ACTMAP: variants seen among roughly 807,000 people sequenced by gnomAD.
The protein encoded by ACTMAP is actin maturation protease.
the ACTMAP span, among the ~76,000 whole-genome samples, chr19:40,745,484 G>C: frequency 1.3e-5 from 2 of 152,158 alleles, no homozygotes; most frequent in Non-Finnish European, 2.9e-5. Context: ...AGGTTTATCT[G>C]AGGAAATTTC....
At chr19:40,743,508 C>G in the ACTMAP span, among the ~76,000 whole-genome samples, 1 of 152,194 alleles carries the variant, frequency 6.6e-6, no homozygotes. Flanking sequence ...GCTGGGATTA[C>G]AGGCGTGAGC....
the ACTMAP span, chr19:40,744,672 A>G: frequency 6.2e-7 from 1 of 1,610,316 alleles, no homozygotes; most frequent in Non-Finnish European, 8.5e-7. Flanking sequence ...CCACAAGGCC[A>G]CCAGCCCGCA....
chr19:40,742,682 C>A, the ACTMAP span: 22 of 1,613,056 alleles, frequency 1.4e-5, no homozygotes, highest in Non-Finnish European at 1.8e-5. Flanking sequence ...GTTGGCAGGG[C>A]GTGCCCAGCA....
chr19:40,742,706 G>A, the ACTMAP span: 1 of 1,612,750 alleles, frequency 6.2e-7, no homozygotes, highest in Non-Finnish European at 8.5e-7. Flanking sequence ...GGTGGAACAG[G>A]CCCGGCAGCT....
chr19:40,749,372 T>C, the ACTMAP span: 1 of 1,122,920 alleles, frequency 8.9e-7, no homozygotes, highest in South Asian at 1.5e-5. Flanking sequence ...GGGACCTAAG[T>C]AGTCAGCCTG....
At chr19:40,743,956 G>A in the ACTMAP span, 1 of 1,614,038 alleles carries the variant, frequency 6.2e-7, no homozygotes, top group Non-Finnish European at 8.5e-7. Context: ...CACGGCTCAT[G>A]GTTGAAGTCC....
At chr19:40,748,346 T>A in the ACTMAP span, among the ~76,000 whole-genome samples, 5 of 151,446 alleles carry the variant, frequency 3.3e-5, no homozygotes, top group Admixed American at 2.6e-4. Flanking sequence ...GCCAGTTCAC[T>A]CCAGCCTGGA....
chr19:40,744,025 C>T, the ACTMAP span: 2 of 1,614,042 alleles, frequency 1.2e-6, no homozygotes, highest in Non-Finnish European at 1.7e-6. Context: ...GGGACCCACC[C>T]TTTGCCACCC....
At chr19:40,750,305 G>T in the ACTMAP span, 6,129 of 152,430 alleles carry the variant, frequency 0.04, 382 homozygotes, top group African/African-American at 0.14. Context: ...GAGGTCAAGA[G>T]GTCAAAAAGG....
chr19:40,745,248 C>A, the ACTMAP span: 3 of 1,538,620 alleles, frequency 1.9e-6, no homozygotes, highest in Non-Finnish European at 2.6e-6. Context: ...TGAAGCACCC[C>A]CTACCCTGAG....
At chr19:40,744,611 G>C in the ACTMAP span, 9 of 1,613,758 alleles carry the variant, frequency 5.6e-6, no homozygotes, top group South Asian at 8.8e-5. Flanking sequence ...CCACCCGTAT[G>C]AGTCTCTCCA....
the ACTMAP span, chr19:40,744,640 G>T: frequency 1.9e-6 from 3 of 1,613,542 alleles, no homozygotes; most frequent in Non-Finnish European, 1.7e-6. Flanking sequence ...CCACTGGGGG[G>T]CGACAGGAGA....
chr19:40,744,710 A>G, the ACTMAP span: 1 of 1,586,184 alleles, frequency 6.3e-7, no homozygotes. Context: ...CCAGCCTGTC[A>G]ATCCTATGTC....
At chr19:40,744,607 G>A in the ACTMAP span, 51 of 1,613,740 alleles carry the variant, frequency 3.2e-5, no homozygotes, top group Admixed American at 1.5e-4. Flanking sequence ...GTGGCCACCC[G>A]TATGAGTCTC....
chr19:40,743,952 T>A, the ACTMAP span: 14 of 1,613,870 alleles, frequency 8.7e-6, no homozygotes, highest in Admixed American at 1.7e-5. Context: ...CTGACACGGC[T>A]CATGGTTGAA....
chr19:40,741,861 A>G, the ACTMAP span: 1 of 456,212 alleles, frequency 2.2e-6, no homozygotes, highest in African/African-American at 2.0e-5. Context: ...GATGGGCTTT[A>G]AAACTGTGAA....
the ACTMAP span, chr19:40,742,495 C>T: frequency 3.3e-6 from 5 of 1,510,342 alleles, no homozygotes; most frequent in Non-Finnish European, 4.4e-6. Context: ...GCCCGTACCC[C>T]ACCCACGGGC....
the ACTMAP span, among the ~76,000 whole-genome samples, chr19:40,746,682 G>A: frequency 3.3e-5 from 5 of 151,684 alleles, no homozygotes; most frequent in Admixed American, 6.6e-5. Context: ...GCCCTTTTTT[G>A]TATTTTTAGT....
the ACTMAP span, chr19:40,744,861 G>T: frequency 9.7e-7 from 1 of 1,031,598 alleles, no homozygotes; most frequent in Non-Finnish European, 1.4e-6. Context: ...GGGGTGGAAG[G>T]CGGGGGAGAG....
Sources: gnomAD v4.1 joint callset for allele counts (sites outside exome capture counted in the v4.1 genomes callset) on GRCh38, gnomAD v4.1.1 for gene constraint, MANE v1.5 for transcripts, NCBI Gene and HGNC (gene_info 2026-07-23, HGNC 2026-07-21) for gene names.